Variants in KRT37 observed in about 807,000 individuals in gnomAD.
KRT37 encodes keratin, type I cuticular Ha7.
A neutral mutation model predicts 41.9 loss-of-function variants in KRT37; 38 were observed. The ratio of observed to expected loss-of-function variants is 0.91; its 90% CI spans 0.70 to 1.19. KRT37 has a LOEUF of 1.19. Among genes scored for constraint, KRT37 ranks in the 50% most tolerant of loss-of-function variants. The pLI, the probability that KRT37 is intolerant of heterozygous loss-of-function variation, is 0.00. For missense variants in KRT37, 580 were observed against 575.5 expected (o/e 1.01, Z -0.08); for synonymous variants, 252 against 243.4 (o/e 1.04, Z -0.33).
At chr17:41,423,277 C>T in intron 2 of KRT37, 1 of 296,692 alleles carries the variant, frequency 3.4e-6, no homozygotes, top group Non-Finnish European at 6.2e-6. Flanking sequence ...AAATAAGCCT[C>T]TGGACCTTCA....
chr17:41,422,228 T>C (rs552300278), intron 4 of KRT37, 34 bp from the exon 5 acceptor site: 17 of 1,613,776 alleles, frequency 1.1e-5, no homozygotes, highest in Non-Finnish European at 1.4e-5. Flanking sequence ...ACCTCCCTGC[T>C]CAGATGGAGG....
chr17:41,421,598 A>T lies in KRT37; in HGVS notation c.1021-11T>A. 1 of 1,612,426 alleles carries T rather than the reference A, an allele frequency of 6.2e-7. No homozygotes were observed. The highest frequency in any genetic ancestry group is 1.1e-5 in the South Asian group (1 of 91,014). ...CTGCAGACAGTCCTTCTGTAATGGG[A>T]AATAATGGGGTAAGAGATCCAGGTG... On this transcript the variant is annotated splice_polypyrimidine_tract_variant and intron_variant, in intron 5 of 6. Transcript: ENST00000225550.
rs200875891 is a variant in KRT37 at position 41,421,479 on chromosome 17, G to A, written c.1129C>T (p.Arg377Trp). 125 of 1,614,064 alleles carry A rather than the reference G, an allele frequency of 7.7e-5. No individual in the cohort carries two copies. Among genetic ancestry groups the A allele is most frequent in the Middle Eastern group, 3.3e-4 (2 of 6,084 alleles). ...TGGTTCTGCCGCTCCAGGTCGGCCC[G>A]GATCTCAGACAACTGCTCTTCCAAG... ...SNLEEQLSEI[R>W]ADLERQNQEY... The change falls in exon 6 of 7, where the codon CGG becomes TGG. Residue 377 changes from arginine to tryptophan, a missense_variant. Arg to Trp is a moderately radical substitution (Grantham distance 101). Transcript: ENST00000225550.
chr17:41,424,309 G>T lies in KRT37; in HGVS notation c.215C>A (p.Thr72Asn). 1 of 1,614,108 alleles carries T rather than the reference G, an allele frequency of 6.2e-7. No homozygotes were observed. Among genetic ancestry groups the T allele is most frequent in the East Asian group, 2.2e-5 (1 of 44,868 alleles). Residue 72 changes from threonine to asparagine, a missense_variant, in exon 1 of 7, where the codon ACC (threonine) becomes AAC (asparagine). Physicochemically the swap from Thr to Asn is moderately conservative, Grantham distance 65 (BLOSUM62 0). Coordinates refer to ENST00000225550, the MANE Select transcript of KRT37 (RefSeq NM_003770.5). ...TGGCAAGGGACAAGCAGTGTGACTG[G>T]TTGGGGGCAGACAGAGGCTGGGGCG... Reference protein sequence around the residue: ...LGRPSLCLPPTSHTACPLPGT... With the variant: ...LGRPSLCLPPNSHTACPLPGT...
rs571581197 is a variant in KRT37 at position 41,422,765 on chromosome 17, G to A, written c.732+13C>T. ...AGCGCCCTCCCCAGGAGTCTGAGCA[G>A]CCAGGGCCACACCTGCTCGTGGTTG... On this transcript the variant is annotated intron_variant, in intron 3 of 6. Coordinates refer to ENST00000225550, the MANE Select transcript of KRT37 (RefSeq NM_003770.5). The A allele has an allele frequency of 7.5e-7, 1 of 1,327,470 alleles. No homozygotes were observed. The highest frequency in any genetic ancestry group is 1.0e-6 in the Non-Finnish European group (1 of 958,680). The allele number at this position is 1,327,470 out of a possible 1,614,324, so 82.2% of individuals were successfully genotyped here.
intron 1 of KRT37, 78 bp from the exon 2 acceptor site, chr17:41,423,922 A>C: frequency 6.2e-7 from 1 of 1,606,800 alleles, no homozygotes; most frequent in Non-Finnish European, 8.5e-7. Flanking sequence ...ATTTACGCTC[A>C]TGTCCAAGAG....
At position 41,424,035 on chromosome 17, in the gene KRT37, C is replaced by T. The variant is rs772179074; in HGVS notation, c.489G>A (p.Gln163=). Residue 163 remains glutamine, a synonymous_variant, in exon 1 of 7, where the codon CAG becomes CAA. Coordinates refer to ENST00000225550, the MANE Select transcript of KRT37 (RefSeq NM_003770.5). ...CCCAGGCGATCCCACACCTCACCTTCTGCTGGAGCTCCTCGATTGTACGGA... is the reference window on the plus strand; with the variant it reads ...CCCAGGCGATCCCACACCTCACCTTTTGCTGGAGCTCCTCGATTGTACGGA... ...SYFRTIEELQ[Q]KILCSKAENA... 6 of 1,611,956 alleles carry T rather than the reference C, an allele frequency of 3.7e-6. No individual in the cohort carries two copies. In the South Asian group the frequency reaches 6.6e-5, roughly 18 times the overall value.
In KRT37 at chr17:41,424,186, T is replaced by C. The variant is rs781574070; in HGVS notation, c.338A>G (p.Asp113Gly). 6.2e-7 allele frequency: 1 copy of C among 1,614,112 alleles called. No individual in the cohort carries two copies. Among genetic ancestry groups the C allele is most frequent in the African/African-American group, 1.3e-5 (1 of 74,942 alleles). ...HEKETMKFLNDRLANYLEKVR... is the reference protein window; with the variant it reads ...HEKETMKFLNGRLANYLEKVR... ...CTTCTCCAGGTAGTTGGCCAGGCGG[T>C]CATTCAGGAACTTCATGGTCTCCTT... The change falls in exon 1 of 7, where the codon GAC becomes GGC. Residue 113 changes from aspartate (D) to glycine (G), a missense_variant. Coordinates refer to ENST00000225550, the MANE Select transcript of KRT37 (RefSeq NM_003770.5).
At chr17:41,423,003 T>A in intron 2 of KRT37, 69 bp from the exon 3 acceptor site, 6 of 1,544,664 alleles carry the variant, frequency 3.9e-6, no homozygotes, top group South Asian at 1.2e-5. Flanking sequence ...CCTGGCTTCC[T>A]ACCTCCCACA....
In KRT37 at chr17:41,421,355, G is replaced by A. The variant is rs374930195; in HGVS notation, c.1241+12C>T. ...ATGTGTGTGGCTTAGGAATTGCCCA[G>A]ATCACACGTACTTGCAGTCCTCGCT... On this transcript the variant is annotated intron_variant, in intron 6 of 6. Coordinates refer to ENST00000225550, the MANE Select transcript of KRT37 (RefSeq NM_003770.5). The A allele has an allele frequency of 6.2e-7, 1 of 1,613,708 alleles. No homozygotes were observed. The highest frequency in any genetic ancestry group is 8.5e-7 in the Non-Finnish European group (1 of 1,179,684).
intron 2 of KRT37, 37 bp from the exon 3 acceptor site, chr17:41,422,971 C>G: frequency 6.3e-7 from 1 of 1,589,460 alleles, no homozygotes; most frequent in Non-Finnish European, 8.6e-7. Flanking sequence ...AAAAGAATGC[C>G]CCAATAGCCC....
At position 41,424,530 on chromosome 17, in the gene KRT37, G is replaced by T; in HGVS notation, c.-7C>A. 6.4e-7 allele frequency: 1 copy of T among 1,556,314 alleles called. No homozygotes were observed. The highest frequency in any genetic ancestry group is 1.2e-5 in the South Asian group (1 of 81,784). Reference sequence around the variant, plus strand: ...TGCTGTAGAAGGAGGTCATGGTGTAGGGCTGAGGCTGCACAGGAGCTTCAG... The same window carrying T: ...TGCTGTAGAAGGAGGTCATGGTGTATGGCTGAGGCTGCACAGGAGCTTCAG... On this transcript the variant is annotated 5_prime_UTR_variant, in exon 1 of 7. Coordinates refer to ENST00000225550, the MANE Select transcript of KRT37 (RefSeq NM_003770.5).
At position 41,423,751 on chromosome 17, in the gene KRT37, T is replaced by C; in HGVS notation, c.575+11A>G. 6.2e-7 allele frequency: 1 copy of C among 1,613,538 alleles called. No individual in the cohort carries two copies. Among genetic ancestry groups the C allele is most frequent in the Admixed American group, 1.7e-5 (1 of 60,032 alleles). On this transcript the variant is annotated intron_variant, in intron 2 of 6. Coordinates refer to ENST00000225550, the MANE Select transcript of KRT37 (RefSeq NM_003770.5). ...AGAGAAGTCACACTGACCCTCCTCA[T>C]CCTGACTTACTTGATCCTAAAGTCA...
At chr17:41,423,323 G>A (rs575866878) in intron 2 of KRT37, 37 of 249,438 alleles carry the variant, frequency 1.5e-4, no homozygotes, top group East Asian at 5.0e-4. Context: ...ATTATTTCTC[G>A]TTGTTTTCTT....
rs17737019 is a variant in KRT37 at position 41,420,928 on chromosome 17, G to A, written c.1300C>T (p.Pro434Ser). 0.055 allele frequency: 89,432 copies of A among 1,613,716 alleles called. 2,869 individuals are homozygous for A. Among genetic ancestry groups the A allele is most frequent in the Non-Finnish European group, 0.067 (78,453 of 1,179,704 alleles). ...ASCTSCPSCG[P>S]VTGGSPSGHG... ...CCAGAGGGAGACCCACCGGTGACAG[G>A]GCCACAGCTTGGACAAGAAGTACAG... Residue 434 changes from proline (P) to serine (S), a missense_variant, in exon 7 of 7, where the codon CCT becomes TCT. Physicochemically the swap from Pro to Ser is moderately conservative, Grantham distance 74 (BLOSUM62 -1). Transcript: ENST00000225550.
rs1374833634 is a variant in KRT37, at chr17:41,423,785, C to G, written c.552G>C (p.Leu184=). 6.2e-7 allele frequency: 1 copy of G among 1,614,232 alleles called. No homozygotes were observed. The highest frequency in any genetic ancestry group is 2.2e-5 in the East Asian group (1 of 44,890). The change falls in exon 2 of 7, where the codon CTG becomes CTC. Residue 184 remains leucine (L), a synonymous_variant. Transcript: ENST00000225550. ...ACTTGATCCTAAAGTCATCAGCAGC[C>G]AGCTTCGCGTTGTCAATTTGTACAA... is the stretch of plus-strand genomic sequence containing the variant. ...RLIVQIDNAK[L]AADDFRIKLE...
chr17:41,424,034 T>A lies in KRT37; in HGVS notation c.490A>T (p.Lys164Ter), dbSNP rs1567691329. 6.2e-7 allele frequency: 1 copy of A among 1,611,822 alleles called. No homozygotes were observed. The highest frequency in any genetic ancestry group is 8.5e-7 in the Non-Finnish European group (1 of 1,178,084). Reference sequence around the variant, plus strand: ...GCCCAGGCGATCCCACACCTCACCTTCTGCTGGAGCTCCTCGATTGTACGG... The same window carrying A: ...GCCCAGGCGATCCCACACCTCACCTACTGCTGGAGCTCCTCGATTGTACGG... Reference protein sequence around the residue: ...YFRTIEELQQKILCSKAENAR... With the variant: ...YFRTIEELQQ The change falls in exon 1 of 7, where the codon AAG (lysine) becomes TAG (stop). Residue 164 changes from lysine to a stop codon, truncating the protein, a stop_gained and splice_region_variant. Coordinates refer to ENST00000225550, the MANE Select transcript of KRT37 (RefSeq NM_003770.5). LOFTEE classifies it high-confidence loss of function.
chr17:41,421,988 G>A, intron 5 of KRT37, 81 bp downstream of exon 5: 1 of 1,604,376 alleles, frequency 6.2e-7, no homozygotes, highest in Non-Finnish European at 8.5e-7. Flanking sequence ...TGAAGGAACT[G>A]ATTTGTGAGA....
chr17:41,423,768 C>G lies in KRT37; in HGVS notation c.569G>C (p.Arg190Thr). The change falls in exon 2 of 7, where the codon AGG (arginine) becomes ACG (threonine). Residue 190 changes from arginine to threonine, a missense_variant. By Grantham distance (71) the Arg-to-Thr change is moderately conservative. Transcript: ENST00000225550. ...DNAKLAADDFRIKLESERSLH... is the reference protein window; with the variant it reads ...DNAKLAADDFTIKLESERSLH... ...CCTCCTCATCCTGACTTACTTGATC[C>G]TAAAGTCATCAGCAGCCAGCTTCGC... 3 of 1,614,158 alleles carry G rather than the reference C, an allele frequency of 1.9e-6. No individual in the cohort carries two copies. The highest frequency in any genetic ancestry group is 2.5e-6 in the Non-Finnish European group (3 of 1,179,986).
Sources: allele counts gnomAD v4.1 joint callset, GRCh38; gene constraint gnomAD v4.1.1; transcripts MANE v1.5; gene names NCBI Gene and HGNC (gene_info 2026-07-23, HGNC 2026-07-21).